The following NDFIP1 variants were observed in gnomAD, a reference collection of about 807,000 sequenced individuals.
NDFIP1 encodes Nedd4 family interacting protein 1.
In NDFIP1, 7 loss-of-function variants were observed where a neutral mutation model predicts 28.8. That is an observed-to-expected ratio of 0.24 (90% CI 0.14 to 0.46). The LOEUF is 0.46. Ranked by LOEUF, NDFIP1 falls within the 20% of genes least tolerant of loss-of-function variation. NDFIP1 has a pLI of 0.99. For synonymous variants in NDFIP1, 92 were observed against 101.0 expected (o/e 0.91, Z 0.53); for missense variants, 194 against 269.1 (o/e 0.72, Z 1.95).
chr5:142,120,522 G>A (rs1757113124), intron 1 of NDFIP1, among the ~76,000 whole-genome samples: 1 of 152,116 alleles, frequency 6.6e-6, no homozygotes, highest in Non-Finnish European at 1.5e-5. Flanking sequence ...CCTGTTGCTT[G>A]TAAGTTTTTT....
chr5:142,148,447 G>T (rs189996089), intron 7 of NDFIP1, among the ~76,000 whole-genome samples: 1 of 152,200 alleles, frequency 6.6e-6, no homozygotes, highest in East Asian at 1.9e-4. Flanking sequence ...GTGCACAGTG[G>T]CCATCAAGAA....
rs1043775131 is a variant in NDFIP1, at chr5:142,153,212, C to G, written c.*1484C>G. The G allele has an allele frequency of 1.3e-5, 6 of 449,056 alleles. No homozygotes were observed. Among genetic ancestry groups the G allele is most frequent in the African/African-American group, 1.0e-4 (5 of 49,528 alleles). 27.8% of individuals were successfully genotyped at this position (449,056 alleles called of 1,614,324 possible). A position where few individuals can be genotyped will look rare whatever the true frequency, so the allele number is the denominator to read the frequency against. ...CATTTCTCCTGATTTCTATTCTTGT[C>G]TCAATCTTAAATTTAGAGACCAGTT... On this transcript the variant is annotated 3_prime_UTR_variant, in exon 8 of 8. Coordinates refer to ENST00000253814, the MANE Select transcript of NDFIP1 (RefSeq NM_030571.4).
chr5:142,111,829 G>A, intron 1 of NDFIP1, among the ~76,000 whole-genome samples: 1 of 152,214 alleles, frequency 6.6e-6, no homozygotes, highest in East Asian at 1.9e-4. Flanking sequence ...CACTTTGGGA[G>A]GCCGAGGTGG....
intron 3 of NDFIP1, among the ~76,000 whole-genome samples, chr5:142,134,249 T>C (rs1240486783): frequency 3.9e-5 from 6 of 152,200 alleles, no homozygotes; most frequent in African/African-American, 1.4e-4. Context: ...TGCATCATGG[T>C]AGAAGAGATA....
rs1184912104 is a variant in NDFIP1, at chr5:142,152,148, T to G, written c.*420T>G. ...ATAATGCTGGCCATTTTAAAGGGGTTTTCTCAAAAGTTAAACTTTTGCTAT... is the reference window on the plus strand; with the variant it reads ...ATAATGCTGGCCATTTTAAAGGGGTGTTCTCAAAAGTTAAACTTTTGCTAT... On this transcript the variant is annotated 3_prime_UTR_variant, in exon 8 of 8. Coordinates refer to ENST00000253814, the MANE Select transcript of NDFIP1 (RefSeq NM_030571.4). The G allele has an allele frequency of 4.6e-5, 7 of 152,790 alleles. No homozygotes were observed. The highest frequency in any genetic ancestry group is 1.3e-4 in the Admixed American group (2 of 15,288). 9.5% of individuals were successfully genotyped at this position (152,790 alleles called of 1,614,324 possible). A position where few individuals can be genotyped will look rare whatever the true frequency, so the allele number is the denominator to read the frequency against.
chr5:142,132,202 A>G lies in NDFIP1; in HGVS notation c.152-10A>G. On this transcript the variant is annotated splice_polypyrimidine_tract_variant and intron_variant, in intron 2 of 7. Coordinates refer to ENST00000253814, the MANE Select transcript of NDFIP1 (RefSeq NM_030571.4). Reference sequence around the variant, plus strand: ...ATCATCAAAAAATTGTGACTGTTAAAATTCTGCAGCATATTTTGACTACAA... The same window carrying G: ...ATCATCAAAAAATTGTGACTGTTAAGATTCTGCAGCATATTTTGACTACAA... 6.2e-7 allele frequency: 1 copy of G among 1,604,802 alleles called. No individual in the cohort carries two copies. The highest frequency in any genetic ancestry group is 8.5e-7 in the Non-Finnish European group (1 of 1,177,788).
chr5:142,115,891 A>C (rs1757062474), intron 1 of NDFIP1, among the ~76,000 whole-genome samples: 1 of 152,224 alleles, frequency 6.6e-6, no homozygotes, highest in African/African-American at 2.4e-5. Flanking sequence ...ATAATAAATA[A>C]TAGTGCAAGT....
intron 1 of NDFIP1, among the ~76,000 whole-genome samples, chr5:142,120,576 G>A (rs1355746943): frequency 6.6e-6 from 1 of 152,116 alleles, no homozygotes; most frequent in African/African-American, 2.4e-5. Flanking sequence ...ATATTTAAGA[G>A]GGTTTCAGGA....
chr5:142,134,971 C>T (rs1029069634), intron 3 of NDFIP1, among the ~76,000 whole-genome samples: 1 of 151,948 alleles, frequency 6.6e-6, no homozygotes, highest in Non-Finnish European at 1.5e-5. Flanking sequence ...AGCACTTGAG[C>T]TGGTTGATTT....
chr5:142,112,078 A>C (rs370494401), intron 1 of NDFIP1, among the ~76,000 whole-genome samples: 51 of 151,194 alleles, frequency 3.4e-4, no homozygotes, highest in East Asian at 1.2e-3. Flanking sequence ...AAAAACCAAA[A>C]CAAAACAAAA....
intron 1 of NDFIP1, 87 bp downstream of exon 1, chr5:142,109,124 C>A: frequency 8.6e-7 from 1 of 1,163,764 alleles, no homozygotes; most frequent in Non-Finnish European, 1.1e-6. Flanking sequence ...GGCCGGCCCG[C>A]GGCCAACTCG....
Position 142,144,544 on chromosome 5 carries a change from A to G in NDFIP1, c.563-27A>G, listed in dbSNP as rs754135390. The G allele has an allele frequency of 2.0e-6, 3 of 1,516,528 alleles. No homozygotes were observed. The South Asian group carries it at 3.5e-5, about 18-fold the overall frequency. The allele number at this position is 1,516,528 out of a possible 1,614,324, so 93.9% of individuals were successfully genotyped here. ...GACTTAACATGGAAATTATAAATTC[A>G]TTCATGACTTTTCTTTTTTAAATTA... On this transcript the variant is annotated intron_variant, in intron 6 of 7. Coordinates refer to ENST00000253814, the MANE Select transcript of NDFIP1 (RefSeq NM_030571.4).
At chr5:142,118,469 G>C (rs899549409) in intron 1 of NDFIP1, among the ~76,000 whole-genome samples, 1 of 152,170 alleles carries the variant, frequency 6.6e-6, no homozygotes, top group Admixed American at 6.5e-5. Flanking sequence ...AAGACCACAG[G>C]TAAAGTGCTG....
At chr5:142,144,747 A>C in intron 7 of NDFIP1, 71 bp downstream of exon 7, 1 of 1,009,366 alleles carries the variant, frequency 9.9e-7, no homozygotes, top group Non-Finnish European at 1.5e-6. Context: ...GTTCAGTTTT[A>C]GAGTAAGTAT....
chr5:142,129,219 C>T (rs140535348), intron 1 of NDFIP1, among the ~76,000 whole-genome samples: 202 of 152,266 alleles, frequency 1.3e-3, no homozygotes, highest in African/African-American at 4.8e-3. Flanking sequence ...TTTTGGTGAC[C>T]TTCCCACAGC....
chr5:142,139,034 G>T (rs540629811), intron 5 of NDFIP1, among the ~76,000 whole-genome samples: 1 of 151,670 alleles, frequency 6.6e-6, no homozygotes, highest in South Asian at 2.1e-4. Flanking sequence ...TGGCTAACAT[G>T]GTGAAACCCC....
At chr5:142,149,424 T>C (rs1240300083) in intron 7 of NDFIP1, among the ~76,000 whole-genome samples, 1 of 147,760 alleles carries the variant, frequency 6.8e-6, no homozygotes, top group East Asian at 2.0e-4. Flanking sequence ...ATCTGTAGGC[T>C]ATTGGATTCC....
chr5:142,136,728 C>A (rs1757279077), intron 4 of NDFIP1, among the ~76,000 whole-genome samples: 1 of 118,586 alleles, frequency 8.4e-6, no homozygotes, highest in African/African-American at 3.4e-5. Flanking sequence ...GCACTCTAGC[C>A]TGGGGGACAA....
chr5:142,148,947 A>G (rs1757418970), intron 7 of NDFIP1, among the ~76,000 whole-genome samples: 1 of 152,056 alleles, frequency 6.6e-6, no homozygotes, highest in Admixed American at 6.5e-5. Flanking sequence ...GGAGTTAGCT[A>G]CAGTAATAAG....
Sources: allele counts gnomAD v4.1 joint callset (sites outside exome capture counted in the v4.1 genomes callset), GRCh38; gene constraint gnomAD v4.1.1; transcripts MANE v1.5; gene names NCBI Gene and HGNC (gene_info 2026-07-23, HGNC 2026-07-21).